The following PRKN variants were observed in gnomAD, a reference collection of about 807,000 sequenced individuals.
PRKN encodes parkin RBR E3 ubiquitin protein ligase, also known as E3 ubiquitin-protein ligase parkin.
PRKN carries 56 observed loss-of-function variants against 59.5 expected under a neutral mutation model. That is an observed-to-expected ratio of 0.94 (90% CI 0.76 to 1.18). The LOEUF (loss-of-function observed/expected upper bound fraction) is 1.18, where lower values mean the gene tolerates loss of function less well. PRKN is among the 50% of genes most tolerant of loss of function. The pLI, the probability that PRKN is intolerant of heterozygous loss-of-function variation, is 0.00. For synonymous variants in PRKN, 250 were observed against 222.1 expected (o/e 1.13, Z -1.12); for missense variants, 657 against 596.4 (o/e 1.10, Z -1.06).
intron 9 of PRKN, among the ~76,000 whole-genome samples, chr6:161,532,038 T>A (rs568937118): frequency 6.6e-6 from 1 of 152,192 alleles, no homozygotes; most frequent in Admixed American, 6.5e-5. Context: ...ATCTTCACCA[T>A]CCTACTCTTC....
At chr6:161,628,768 C>T (rs1261635706) in intron 7 of PRKN, among the ~76,000 whole-genome samples, 10 of 152,160 alleles carry the variant, frequency 6.6e-5, no homozygotes, top group Non-Finnish European at 1.0e-4. Context: ...ATTCATTCAA[C>T]AGACAGAATC....
At chr6:162,093,445 G>A (rs1282974217) in intron 4 of PRKN, among the ~76,000 whole-genome samples, 1 of 152,092 alleles carries the variant, frequency 6.6e-6, no homozygotes, top group African/African-American at 2.4e-5. Flanking sequence ...ACTGGTAATA[G>A]AGGCACACTC....
chr6:161,787,513 G>C (rs1053076062), intron 6 of PRKN, among the ~76,000 whole-genome samples: 3 of 152,176 alleles, frequency 2.0e-5, no homozygotes, highest in African/African-American at 7.2e-5. Flanking sequence ...TCTCACAGCT[G>C]TTATGTGAAA....
At chr6:162,103,152 G>A (rs1289543652) in intron 4 of PRKN, among the ~76,000 whole-genome samples, 1 of 151,286 alleles carries the variant, frequency 6.6e-6, no homozygotes, top group Non-Finnish European at 1.5e-5. Context: ...TTATAAGTGA[G>A]TTCCACTAAA....
chr6:162,441,140 C>G (rs1355858551), intron 2 of PRKN, among the ~76,000 whole-genome samples: 1 of 152,054 alleles, frequency 6.6e-6, no homozygotes, highest in African/African-American at 2.4e-5. Context: ...AACACACGTA[C>G]TCAGCTGGCA....
At position 161,362,387 on chromosome 6, in the gene PRKN, G is replaced by A. The variant is rs1025213635; in HGVS notation, c.1168-2182C>T. Among the ~76,000 whole-genome samples, 1 of 152,168 alleles carries A rather than the reference G, an allele frequency of 6.6e-6. No homozygotes were observed. Among genetic ancestry groups the A allele is most frequent in the Non-Finnish European group, 1.5e-5 (1 of 68,034 alleles). On this transcript the variant is annotated intron_variant, in intron 10 of 11. Transcript: ENST00000366898. This position sits in a 1 kb window ranked among gnomAD's most constrained non-coding sequence, Gnocchi z 5.2. ...CTGCCCATCATCTGGGTCTTCCCAG[G>A]CCCTAAGGGCACAGGCAGGAGACAA...
chr6:162,021,438 AATATAT>A (rs1193427302), intron 5 of PRKN, among the ~76,000 whole-genome samples: 14 of 120,784 alleles, frequency 1.2e-4, no homozygotes, highest in African/African-American at 3.6e-4. Flanking sequence ...CATTACAGGG[AATATAT>A]ATATATATAT....
At chr6:162,027,444 T>C (rs1042733043) in intron 5 of PRKN, among the ~76,000 whole-genome samples, 5 of 152,192 alleles carry the variant, frequency 3.3e-5, no homozygotes, top group African/African-American at 1.2e-4. Context: ...TTTCAGTTCC[T>C]GCGAGTGCGA....
chr6:161,834,945 C>T (rs369927240), intron 6 of PRKN, among the ~76,000 whole-genome samples: 5 of 152,126 alleles, frequency 3.3e-5, no homozygotes, highest in Non-Finnish European at 4.4e-5. Flanking sequence ...AGCCTGTGAG[C>T]ACCTCCACCC....
In PRKN at chr6:161,454,452, G is replaced by A. The variant is rs118141225; in HGVS notation, c.1084-67575C>T. On this transcript the variant is annotated intron_variant, in intron 9 of 11. Transcript: ENST00000366898. The surrounding 1 kb of genome is among the most constrained non-coding windows in gnomAD (Gnocchi z 4.6). Reference sequence around the variant, plus strand: ...AATTCCTTCCTTAACCAGGCAGGAGGAACAGCAGTTCATTCGTGGTCTTGA... The same window carrying A: ...AATTCCTTCCTTAACCAGGCAGGAGAAACAGCAGTTCATTCGTGGTCTTGA... Among the ~76,000 whole-genome samples the A allele has an allele frequency of 3.6e-3, 542 of 152,312 alleles. 10 individuals are homozygous for A. The East Asian group carries it at 0.044, about 12-fold the overall frequency.
At chr6:162,648,773 C>G (rs1449518637) in intron 1 of PRKN, among the ~76,000 whole-genome samples, 1 of 152,170 alleles carries the variant, frequency 6.6e-6, no homozygotes, top group African/African-American at 2.4e-5. Flanking sequence ...CACAAACATA[C>G]AGCCTTATAT....
At chr6:161,949,088 C>T (rs1779887938) in intron 6 of PRKN, among the ~76,000 whole-genome samples, 1 of 152,160 alleles carries the variant, frequency 6.6e-6, no homozygotes, top group African/African-American at 2.4e-5. Flanking sequence ...TGAACAGAGC[C>T]TGGGGTGGAC....
At chr6:161,809,498 A>T (rs994319309) in intron 6 of PRKN, among the ~76,000 whole-genome samples, 2 of 152,210 alleles carry the variant, frequency 1.3e-5, no homozygotes, top group African/African-American at 4.8e-5. Flanking sequence ...CTAGAAATAA[A>T]GCGACAAAAA....
At chr6:162,715,780 A>C (rs1047025233) in intron 1 of PRKN, among the ~76,000 whole-genome samples, 2 of 151,906 alleles carry the variant, frequency 1.3e-5, no homozygotes, top group African/African-American at 2.4e-5. Flanking sequence ...TGCTCCCTGT[A>C]CTCCATCCCG....
At chr6:161,652,170 G>C (rs1169985298) in intron 7 of PRKN, among the ~76,000 whole-genome samples, 1 of 152,176 alleles carries the variant, frequency 6.6e-6, no homozygotes, top group Non-Finnish European at 1.5e-5. Context: ...ATCACTCATA[G>C]CAAGAAACAG....
In PRKN at chr6:161,377,218, C is replaced by T. The variant is rs959873562; in HGVS notation, c.1167+9576G>A. 1.3e-5 allele frequency among the ~76,000 whole-genome samples: 2 copies of T among 152,210 alleles called. No individual in the cohort carries two copies. The highest frequency in any genetic ancestry group is 2.4e-5 in the African/African-American group (1 of 41,462). On this transcript the variant is annotated intron_variant, in intron 10 of 11. Coordinates refer to ENST00000366898, the MANE Select transcript of PRKN (RefSeq NM_004562.3). This position sits in a 1 kb window ranked among gnomAD's most constrained non-coding sequence, Gnocchi z 4.2. The stretch of plus-strand genomic sequence containing the variant: ...TGAAAGAGAGCCCCTGGCACGCTAC[C>T]GAGCCCTGTGGAGTTGGAGCATCTG...
intron 6 of PRKN, among the ~76,000 whole-genome samples, chr6:161,799,353 AAAC>A (rs1372802819): frequency 1.3e-5 from 2 of 152,344 alleles, no homozygotes; most frequent in African/African-American, 4.8e-5. Context: ...AAAGCGAGGC[AAAC>A]AACAATTTTT....
intron 6 of PRKN, among the ~76,000 whole-genome samples, chr6:161,926,753 T>C (rs1002914937): frequency 3.3e-5 from 5 of 152,086 alleles, no homozygotes; most frequent in African/African-American, 1.2e-4. Flanking sequence ...AATGAAAACA[T>C]AGGAGAGTTC....
intron 10 of PRKN, among the ~76,000 whole-genome samples, chr6:161,380,652 T>G (rs1283897596): frequency 6.6e-6 from 1 of 152,134 alleles, no homozygotes; most frequent in Non-Finnish European, 1.5e-5. Context: ...CCACTAATTA[T>G]AAGAAATTCA....
Sources: gnomAD v4.1 joint callset for allele counts (sites outside exome capture counted in the v4.1 genomes callset) on GRCh38, gnomAD v4.1.1 for gene constraint, Gnocchi (gnomAD v3.1) non-coding constraint, MANE v1.5 for transcripts, NCBI Gene and HGNC (gene_info 2026-07-23, HGNC 2026-07-21) for gene names.